The following FRYL variants were observed in gnomAD, a reference collection of about 807,000 sequenced individuals.
FRYL encodes the protein protein furry homolog-like.
FRYL carries 150 observed loss-of-function variants against 351.2 expected under a neutral mutation model. The observed-to-expected ratio is 0.43, with a 90% CI of 0.37 to 0.49. FRYL has a LOEUF of 0.49. Among genes scored for constraint, FRYL ranks in the 20% least tolerant of loss-of-function variants. FRYL has a pLI of 0.00. For missense variants in FRYL, 3,036 were observed against 3,619.3 expected (o/e 0.84, Z 4.13); for synonymous variants, 1,153 against 1,257.1 (o/e 0.92, Z 1.75).
At position 48,710,629 on chromosome 4, in the gene FRYL, G is replaced by C. The variant is rs1767894842; in HGVS notation, c.-314C>G. ...GAGCTTGTACTTTACAGGCACTCGA[G>C]TGGGCACACTGGTACAAAGCAGTAG... is the stretch of plus-strand genomic sequence containing the variant. On this transcript the variant is annotated 5_prime_UTR_variant, in exon 2 of 64. Transcript: ENST00000358350. 5.0e-6 allele frequency: 2 copies of C among 398,580 alleles called. No individual in the cohort carries two copies. Among genetic ancestry groups the C allele is most frequent in the Non-Finnish European group, 8.8e-6 (2 of 226,054 alleles). The allele number at this position is 398,580 out of a possible 1,614,324, so 24.7% of individuals were successfully genotyped here. A position where few individuals can be genotyped will look rare whatever the true frequency, so the allele number is the denominator to read the frequency against.
intron 1 of FRYL, among the ~76,000 whole-genome samples, chr4:48,767,580 G>T (rs543057958): frequency 9.2e-5 from 14 of 152,316 alleles, no homozygotes; most frequent in African/African-American, 3.4e-4. Flanking sequence ...AATACTGCAT[G>T]ATCTCACTAA....
chr4:48,565,143 T>TTA, intron 29 of FRYL, 100 bp from the exon 30 acceptor site: 1 of 572,418 alleles, frequency 1.7e-6, no homozygotes, highest in South Asian at 3.5e-5. Flanking sequence ...TCACAATACT[T>TTA]TAATCTTTTT....
At chr4:48,599,866 G>C (rs1044481529) in intron 13 of FRYL, among the ~76,000 whole-genome samples, 21 of 152,182 alleles carry the variant, frequency 1.4e-4, no homozygotes, top group African/African-American at 4.8e-4. Flanking sequence ...CCAGCACTTT[G>C]GGAGGCTGAG....
intron 3 of FRYL, among the ~76,000 whole-genome samples, chr4:48,671,942 A>G (rs1277271315): frequency 3.3e-5 from 5 of 150,362 alleles, no homozygotes; most frequent in Admixed American, 6.6e-5. Flanking sequence ...TAACTGTCCT[A>G]TAAGTCAAGT....
intron 16 of FRYL, among the ~76,000 whole-genome samples, chr4:48,592,100 AT>A (rs1303598761): frequency 2.4e-5 from 1 of 41,940 alleles, no homozygotes; most frequent in Admixed American, 4.4e-4. Context: ...ATATATATAT[AT>A]ATATATATAT....
At chr4:48,598,790 T>A in intron 13 of FRYL, 1 of 921,312 alleles carries the variant, frequency 1.1e-6, no homozygotes, top group South Asian at 5.0e-5. Flanking sequence ...TTAAAGGAAA[T>A]AAAGCAGTAT....
chr4:48,677,246 T>C (rs1170543604), intron 3 of FRYL, among the ~76,000 whole-genome samples: 1 of 152,202 alleles, frequency 6.6e-6, no homozygotes, highest in Non-Finnish European at 1.5e-5. Context: ...TGTTAAATCA[T>C]AAGCATCTAT....
At chr4:48,564,781 G>T (rs1336594944) in intron 30 of FRYL, 152 bp downstream of exon 30, 2 of 495,226 alleles carry the variant, frequency 4.0e-6, no homozygotes, top group African/African-American at 2.0e-5. Flanking sequence ...TTACATTATG[G>T]GATCCTATTT....
intron 2 of FRYL, among the ~76,000 whole-genome samples, chr4:48,698,002 C>A (rs889652245): frequency 6.6e-6 from 1 of 152,176 alleles, no homozygotes. Flanking sequence ...TTAACATTTA[C>A]TGGGGATCAA....
At chr4:48,712,834 G>A (rs1186946422) in intron 1 of FRYL, among the ~76,000 whole-genome samples, 2 of 152,128 alleles carry the variant, frequency 1.3e-5, no homozygotes, top group African/African-American at 2.4e-5. Flanking sequence ...AGAGACAAAG[G>A]TCGGGTTACC....
At position 48,550,901 on chromosome 4, in the gene FRYL, G is replaced by A. The variant is rs113064500; in HGVS notation, c.4521-197C>T. ...ATCCTGGCCAACATGGTGAAACCCCGTGTCTACTAAAATACCAAAAATTAG... is the reference window on the plus strand; with the variant it reads ...ATCCTGGCCAACATGGTGAAACCCCATGTCTACTAAAATACCAAAAATTAG... On this transcript the variant is annotated intron_variant, in intron 37 of 63. Transcript: ENST00000358350. 4.6e-3 allele frequency among the ~76,000 whole-genome samples: 693 copies of A among 152,118 alleles called. 3 individuals are homozygous for A. Among genetic ancestry groups the A allele is most frequent in the African/African-American group, 0.015 (641 of 41,506 alleles).
intron 9 of FRYL, among the ~76,000 whole-genome samples, chr4:48,607,189 T>A (rs1747022525): frequency 6.6e-6 from 1 of 152,192 alleles, no homozygotes. Context: ...GGACATCTAA[T>A]AGTTTATTAA....
At chr4:48,565,483 C>A in intron 29 of FRYL, 48 bp downstream of exon 29, 1 of 1,413,708 alleles carries the variant, frequency 7.1e-7, no homozygotes, top group Admixed American at 2.5e-5. Flanking sequence ...CTTAAAAATA[C>A]TTAACTCTGC....
In FRYL at chr4:48,553,123, T is replaced by C. The variant is rs1002895402; in HGVS notation, c.4435+92A>G. The C allele has an allele frequency of 2.1e-5, 18 of 861,500 alleles. No individual in the cohort carries two copies. In the South Asian group the frequency reaches 3.0e-4, roughly 14 times the overall value. The allele number at this position is 861,500 out of a possible 1,614,324, so 53.4% of individuals were successfully genotyped here. ...TATATCTGAGATTCATAACATGTTA[T>C]GGGACATAGAGACCCTAAAATGGTT... On this transcript the variant is annotated intron_variant, in intron 36 of 63. Coordinates refer to ENST00000358350, the MANE Select transcript of FRYL (RefSeq NM_015030.2).
intron 52 of FRYL, 84 bp downstream of exon 52, chr4:48,527,886 GA>G (rs1726616126): frequency 8.3e-7 from 1 of 1,200,088 alleles, no homozygotes; most frequent in African/African-American, 1.5e-5. Context: ...AGGTAAATTA[GA>G]AAAGGCAAGC....
Position 48,695,968 on chromosome 4 carries a change from C to G in FRYL, c.-203-11173G>C, listed in dbSNP as rs372172183. Among the ~76,000 whole-genome samples the G allele has an allele frequency of 1.4e-3, 214 of 152,220 alleles. 1 individual carries two copies. Among genetic ancestry groups the G allele is most frequent in the African/African-American group, 4.6e-3 (190 of 41,522 alleles). On this transcript the variant is annotated intron_variant, in intron 2 of 63. Coordinates refer to ENST00000358350, the MANE Select transcript of FRYL (RefSeq NM_015030.2). ...TCATTAGAGAAATGCAAATCAAAAC[C>G]ACAATGAAATACCATCTCACGCCAG...
At chr4:48,683,267 CA>C (rs1171121477) in intron 3 of FRYL, among the ~76,000 whole-genome samples, 9 of 141,862 alleles carry the variant, frequency 6.3e-5, no homozygotes, top group Non-Finnish European at 1.4e-4. Context: ...TGGGGCCTGT[CA>C]GGGGGTGGGG....
At chr4:48,755,131 G>A (rs886499426) in intron 1 of FRYL, among the ~76,000 whole-genome samples, 11 of 152,060 alleles carry the variant, frequency 7.2e-5, no homozygotes, top group Non-Finnish European at 1.5e-4. Context: ...TCCAAATTGA[G>A]TTTATTAATT....
intron 4 of FRYL, among the ~76,000 whole-genome samples, chr4:48,623,381 G>A (rs183711526): frequency 2.0e-5 from 3 of 152,194 alleles, no homozygotes; most frequent in Non-Finnish European, 4.4e-5. Context: ...CAGAGGCAAG[G>A]CTCTCACTGT....
Sources: allele counts gnomAD v4.1 joint callset (sites outside exome capture counted in the v4.1 genomes callset), GRCh38; gene constraint gnomAD v4.1.1; transcripts MANE v1.5; gene names NCBI Gene and HGNC (gene_info 2026-07-23, HGNC 2026-07-21).